The following DNAH11 variants were observed in gnomAD, a reference collection of about 807,000 sequenced individuals.
DNAH11 encodes dynein axonemal heavy chain 11, also known as axonemal beta dynein heavy chain 11.
In DNAH11, 442 loss-of-function variants were observed where a neutral mutation model predicts 526.0. That is an observed-to-expected ratio of 0.84 (90% CI 0.78 to 0.91). The LOEUF (loss-of-function observed/expected upper bound fraction) is 0.91, where lower values mean the gene tolerates loss of function less well. Ranked by LOEUF, DNAH11 falls within the 40% of genes least tolerant of loss-of-function variation. The pLI, the probability that DNAH11 is intolerant of heterozygous loss-of-function variation, is 0.00. For synonymous variants in DNAH11, 2,461 were observed against 1,935.9 expected (o/e 1.27, Z -7.12); for missense variants, 6,989 against 5,448.7 (o/e 1.28, Z -8.90).
chr7:21,851,420 T>G, intron 66 of DNAH11: 2 of 366,972 alleles, frequency 5.5e-6, no homozygotes, highest in South Asian at 2.2e-5. Context: ...TTATCGCACC[T>G]TGAGAGCAGA....
chr7:21,825,481 T>C lies in DNAH11; in HGVS notation c.10691+7142T>C, dbSNP rs113694100. On this transcript the variant is annotated intron_variant, in intron 65 of 81. Coordinates refer to ENST00000409508, the MANE Select transcript of DNAH11 (RefSeq NM_001277115.2). The stretch of plus-strand genomic sequence containing the variant: ...GTTTAGAAATGTACATGCTCACTAG[T>C]AGTATATAAGAATTGTGGAGTCTTT... Among the ~76,000 whole-genome samples, 988 of 152,340 alleles carry C rather than the reference T, an allele frequency of 6.5e-3. 12 individuals are homozygous for C. The highest frequency in any genetic ancestry group is 0.023 in the African/African-American group (936 of 41,560).
chr7:21,682,525 C>CAAA (rs60337481), intron 31 of DNAH11, among the ~76,000 whole-genome samples: 3 of 96,042 alleles, frequency 3.1e-5, no homozygotes, highest in Admixed American at 1.2e-4. Flanking sequence ...GACTCCATCT[C>CAAA]AAAAAAAAAA....
intron 42 of DNAH11, among the ~76,000 whole-genome samples, chr7:21,714,975 A>G (rs1444020242): frequency 1.3e-5 from 2 of 152,214 alleles, no homozygotes; most frequent in Admixed American, 1.3e-4. Context: ...TTGTGTCACT[A>G]GTACTTTCAC....
At chr7:21,629,765 C>T (rs540940805) in intron 25 of DNAH11, among the ~76,000 whole-genome samples, 1 of 151,996 alleles carries the variant, frequency 6.6e-6, no homozygotes, top group Non-Finnish European at 1.5e-5. Flanking sequence ...TTTCTAGTTG[C>T]ATGGTATATC....
At chr7:21,596,319 C>T (rs928137238) in intron 14 of DNAH11, among the ~76,000 whole-genome samples, 1 of 152,166 alleles carries the variant, frequency 6.6e-6, no homozygotes, top group Non-Finnish European at 1.5e-5. Context: ...GCCATGCTCC[C>T]TCAGAAGGCT....
intron 62 of DNAH11, among the ~76,000 whole-genome samples, chr7:21,801,728 A>G (rs188845976): frequency 7.2e-5 from 11 of 152,338 alleles, no homozygotes; most frequent in Admixed American, 6.5e-4. Flanking sequence ...TATGAAATTG[A>G]ACTGTTTGTT....
chr7:21,879,324 G>GT (rs1783828016), intron 74 of DNAH11, among the ~76,000 whole-genome samples: 1 of 152,042 alleles, frequency 6.6e-6, no homozygotes, highest in Admixed American at 6.6e-5. Flanking sequence ...GGGCATGGTG[G>GT]TGCATGCCTG....
intron 65 of DNAH11, among the ~76,000 whole-genome samples, chr7:21,841,193 A>C (rs1039351678): frequency 4.6e-5 from 7 of 152,172 alleles, no homozygotes; most frequent in African/African-American, 7.2e-5. Flanking sequence ...CACACACACA[A>C]AAAAGAATAT....
chr7:21,860,816 G>A (rs1440216414), intron 68 of DNAH11, among the ~76,000 whole-genome samples: 7 of 152,162 alleles, frequency 4.6e-5, no homozygotes, highest in Non-Finnish European at 1.0e-4. Context: ...AGTTCCACGT[G>A]GCTGGGGAGG....
chr7:21,605,790 C>T (rs911514017), intron 18 of DNAH11, among the ~76,000 whole-genome samples: 3 of 152,138 alleles, frequency 2.0e-5, no homozygotes, highest in Admixed American at 2.0e-4. Context: ...ATTTCCAGAG[C>T]ACTTCAATTT....
chr7:21,598,892 T>C (rs905001057), intron 14 of DNAH11, among the ~76,000 whole-genome samples: 9 of 152,186 alleles, frequency 5.9e-5, no homozygotes, highest in African/African-American at 1.9e-4. Context: ...TCCAGCTCCA[T>C]CCATGTTCCT....
At chr7:21,604,614 T>A (rs1398736141) in intron 18 of DNAH11, among the ~76,000 whole-genome samples, 2 of 152,146 alleles carry the variant, frequency 1.3e-5, no homozygotes, top group Admixed American at 1.3e-4. Context: ...TGTCACCTCC[T>A]CCTTGAGTGG....
intron 62 of DNAH11, among the ~76,000 whole-genome samples, chr7:21,803,306 G>A (rs562132706): frequency 2.0e-5 from 3 of 152,098 alleles, no homozygotes; most frequent in East Asian, 1.9e-4. Context: ...ACCATTATCA[G>A]TGTTGATCCT....
intron 28 of DNAH11, among the ~76,000 whole-genome samples, chr7:21,649,953 C>T (rs1301731509): frequency 6.6e-6 from 1 of 152,116 alleles, no homozygotes; most frequent in East Asian, 1.9e-4. Flanking sequence ...ACGTGAGCCC[C>T]CATGCCCAGC....
intron 25 of DNAH11, among the ~76,000 whole-genome samples, chr7:21,621,403 A>T (rs1786047919): frequency 6.6e-6 from 1 of 152,136 alleles, no homozygotes; most frequent in South Asian, 2.1e-4. Context: ...ACAAGGAGGA[A>T]CTGGTACCAT....
At chr7:21,826,493 CAAG>C (rs1177860378) in intron 65 of DNAH11, among the ~76,000 whole-genome samples, 1 of 151,968 alleles carries the variant, frequency 6.6e-6, no homozygotes, top group Non-Finnish European at 1.5e-5. Context: ...AGTGTTATAA[CAAG>C]AACAGAAAAT....
chr7:21,641,697 CA>C lies in DNAH11; in HGVS notation c.4944+2633del, dbSNP rs1225638034. Among the ~76,000 whole-genome samples the C allele has an allele frequency of 3.9e-5, 6 of 152,306 alleles. No individual in the cohort carries two copies. The South Asian group carries it at 1.2e-3, about 32-fold the overall frequency. On this transcript the variant is annotated intron_variant, in intron 28 of 81. Coordinates refer to ENST00000409508, the MANE Select transcript of DNAH11 (RefSeq NM_001277115.2). ...TCAGATTTCAGTGATGTGCTTTTTA[CA>C]TCCTTTAAAAAAATTTTTTACAACA... is the stretch of plus-strand genomic sequence containing the variant.
chr7:21,778,048 G>A (rs1410075571), intron 56 of DNAH11, among the ~76,000 whole-genome samples: 3 of 152,146 alleles, frequency 2.0e-5, no homozygotes, highest in Non-Finnish European at 4.4e-5. Context: ...ATTGTGATGT[G>A]TAAAGCTGCT....
intron 54 of DNAH11, among the ~76,000 whole-genome samples, chr7:21,762,242 A>G (rs1240752066): frequency 6.6e-6 from 1 of 152,166 alleles, no homozygotes; most frequent in Non-Finnish European, 1.5e-5. Context: ...CTTATCACTC[A>G]AGTAACTCAG....
Sources: allele counts gnomAD v4.1 joint callset (sites outside exome capture counted in the v4.1 genomes callset), GRCh38; gene constraint gnomAD v4.1.1; transcripts MANE v1.5; gene names NCBI Gene and HGNC (gene_info 2026-07-23, HGNC 2026-07-21).